The following CA10 variants were observed in gnomAD, a reference collection of about 807,000 sequenced individuals.
CA10 encodes carbonic anhydrase-related protein 10.
Under a neutral mutation model 44.2 loss-of-function variants are expected in CA10, and 14 were observed. That is an observed-to-expected ratio of 0.32 (90% CI 0.21 to 0.50). The LOEUF (loss-of-function observed/expected upper bound fraction) is 0.50. Among genes scored for constraint, CA10 ranks in the 20% least tolerant of loss-of-function variants. The pLI is 0.99. For missense variants in CA10, 350 were observed against 409.7 expected (o/e 0.85, Z 1.26); for synonymous variants, 159 against 141.6 (o/e 1.12, Z -0.87).
At chr17:51,902,771 C>A (rs1209190023) in intron 3 of CA10, among the ~76,000 whole-genome samples, 1 of 152,196 alleles carries the variant, frequency 6.6e-6, no homozygotes, top group Admixed American at 6.5e-5. Flanking sequence ...CCACCTTTTA[C>A]TCTGCCATTC....
At chr17:52,036,204 G>C (rs1403297412) in intron 2 of CA10, among the ~76,000 whole-genome samples, 2 of 152,166 alleles carry the variant, frequency 1.3e-5, no homozygotes, top group Non-Finnish European at 2.9e-5. Context: ...AGGCCAAACT[G>C]GATCAATGAA....
At chr17:51,770,984 C>T (rs1454723613) in intron 3 of CA10, among the ~76,000 whole-genome samples, 2 of 151,652 alleles carry the variant, frequency 1.3e-5, no homozygotes, top group Admixed American at 1.3e-4. Flanking sequence ...ATTAGCCTGG[C>T]GTGGTGGTGC....
chr17:52,085,176 C>G (rs920907565), intron 1 of CA10, among the ~76,000 whole-genome samples: 1 of 152,184 alleles, frequency 6.6e-6, no homozygotes, highest in African/African-American at 2.4e-5. Flanking sequence ...GACATTGACT[C>G]TACTTCTGCT....
chr17:51,839,864 A>T (rs1031360574), intron 3 of CA10, among the ~76,000 whole-genome samples: 2 of 152,214 alleles, frequency 1.3e-5, no homozygotes, highest in African/African-American at 4.8e-5. Context: ...TCAATGAGCA[A>T]TGGGTCTCTA....
At chr17:51,971,514 G>A (rs1188857434) in intron 2 of CA10, among the ~76,000 whole-genome samples, 1 of 152,040 alleles carries the variant, frequency 6.6e-6, no homozygotes, top group Non-Finnish European at 1.5e-5. Flanking sequence ...ATTATTTGGG[G>A]ATGATCTAGC....
chr17:51,960,295 T>C (rs1983838790), intron 2 of CA10, among the ~76,000 whole-genome samples: 1 of 151,994 alleles, frequency 6.6e-6, no homozygotes, highest in African/African-American at 2.4e-5. Flanking sequence ...TGTCTTACAT[T>C]TGTGTTACTA....
At chr17:51,786,869 G>T (rs1906309650) in intron 3 of CA10, among the ~76,000 whole-genome samples, 1 of 151,580 alleles carries the variant, frequency 6.6e-6, no homozygotes. Context: ...AGTTTTTTGA[G>T]GATTTTTATC....
chr17:51,988,345 GCAGT>G (rs1282854149), intron 2 of CA10, among the ~76,000 whole-genome samples: 1 of 151,924 alleles, frequency 6.6e-6, no homozygotes, highest in Non-Finnish European at 1.5e-5. Flanking sequence ...ATGAAATGAA[GCAGT>G]CAGTAAGATA....
At chr17:51,632,284 CTG>C (rs1436156060) in intron 8 of CA10, among the ~76,000 whole-genome samples, 1 of 152,186 alleles carries the variant, frequency 6.6e-6, no homozygotes, top group Non-Finnish European at 1.5e-5. Flanking sequence ...ACCCAGCTAA[CTG>C]ACACATGGTA....
chr17:51,852,287 G>C (rs534670874), intron 3 of CA10, among the ~76,000 whole-genome samples: 3 of 152,304 alleles, frequency 2.0e-5, no homozygotes, highest in South Asian at 2.1e-4. Flanking sequence ...AGTCAGAGGC[G>C]AGGAGATTGG....
chr17:52,039,895 G>A (rs1986721510), intron 2 of CA10, among the ~76,000 whole-genome samples: 1 of 151,994 alleles, frequency 6.6e-6, no homozygotes, highest in Non-Finnish European at 1.5e-5. Context: ...ATATAATACA[G>A]TACATTCTAT....
At chr17:52,072,429 A>G (rs763774674) in intron 1 of CA10, 36 bp from the exon 2 acceptor site, 1 of 1,466,434 alleles carries the variant, frequency 6.8e-7, no homozygotes, top group Admixed American at 1.7e-5. Context: ...TTAAGATGAT[A>G]GCAGAGAAGC....
intron 3 of CA10, among the ~76,000 whole-genome samples, chr17:51,783,438 T>G (rs938036165): frequency 1.3e-5 from 2 of 152,306 alleles, no homozygotes; most frequent in African/African-American, 4.8e-5. Flanking sequence ...GCAACCACTG[T>G]CTACATTATA....
chr17:52,099,947 TTGA>T (rs1412826504), intron 1 of CA10, among the ~76,000 whole-genome samples: 3 of 152,196 alleles, frequency 2.0e-5, no homozygotes, highest in Non-Finnish European at 4.4e-5. Context: ...AGTGGTGACC[TTGA>T]TGATAGTGGC....
At chr17:51,921,879 G>C (rs1056987845) in intron 3 of CA10, among the ~76,000 whole-genome samples, 28 of 152,162 alleles carry the variant, frequency 1.8e-4, no homozygotes, top group African/African-American at 6.8e-4. Flanking sequence ...TTATCTTTAT[G>C]CCTTTTGGGT....
intron 3 of CA10, among the ~76,000 whole-genome samples, chr17:51,751,728 C>G (rs1904896860): frequency 6.6e-6 from 1 of 152,140 alleles, no homozygotes; most frequent in African/African-American, 2.4e-5. Flanking sequence ...TTTTAAGGTG[C>G]TAGACATGAG....
At chr17:51,638,197 G>A (rs938004176) in intron 6 of CA10, among the ~76,000 whole-genome samples, 22 of 152,194 alleles carry the variant, frequency 1.4e-4, no homozygotes, top group Admixed American at 9.8e-4. Context: ...GGAGCCAATC[G>A]TTTGGAATGA....
At chr17:51,902,482 A>G (rs1359302267) in intron 3 of CA10, among the ~76,000 whole-genome samples, 3 of 152,166 alleles carry the variant, frequency 2.0e-5, no homozygotes, top group African/African-American at 7.2e-5. Context: ...ATCAATGCCC[A>G]TGTTACAGAA....
chr17:51,803,904 C>T (rs1053088201), intron 3 of CA10, among the ~76,000 whole-genome samples: 1 of 152,130 alleles, frequency 6.6e-6, no homozygotes, highest in African/African-American at 2.4e-5. Flanking sequence ...CGTTGTATTT[C>T]GTATGAATTG....
Sources: gnomAD v4.1 joint callset for allele counts (sites outside exome capture counted in the v4.1 genomes callset) on GRCh38, gnomAD v4.1.1 for gene constraint, MANE v1.5 for transcripts, NCBI Gene and HGNC (gene_info 2026-07-23, HGNC 2026-07-21) for gene names.